SEMA6D: variants seen among roughly 807,000 people sequenced by gnomAD.
SEMA6D encodes semaphorin-6D.
A neutral mutation model predicts 106.6 loss-of-function variants in SEMA6D; 35 were observed. That is an observed-to-expected ratio of 0.33 (90% CI 0.25 to 0.44). The LOEUF (loss-of-function observed/expected upper bound fraction) is 0.44, where lower values mean the gene tolerates loss of function less well. Ranked by LOEUF, SEMA6D falls within the 20% of genes least tolerant of loss-of-function variation. The pLI is 1.00. For synonymous variants in SEMA6D, 499 were observed against 487.7 expected (o/e 1.02, Z -0.31); for missense variants, 1,185 against 1,345.9 (o/e 0.88, Z 1.87).
At chr15:47,452,172 A>T (rs1307719353) in intron 2 of SEMA6D, among the ~76,000 whole-genome samples, 3 of 152,058 alleles carry the variant, frequency 2.0e-5, no homozygotes, top group Non-Finnish European at 2.9e-5. Flanking sequence ...GCAAGCACTA[A>T]ATTAAAACAA....
chr15:47,648,140 A>G (rs1206681240), intron 4 of SEMA6D, among the ~76,000 whole-genome samples: 1 of 152,180 alleles, frequency 6.6e-6, no homozygotes, highest in African/African-American at 2.4e-5. Flanking sequence ...TGATGATACA[A>G]AATATATACA....
At chr15:47,741,468 A>C (rs1286125943) in intron 1 of SEMA6D, among the ~76,000 whole-genome samples, 1 of 152,212 alleles carries the variant, frequency 6.6e-6, no homozygotes, top group Non-Finnish European at 1.5e-5. Context: ...TGTAATCCCA[A>C]CACTTTGGGA....
At chr15:47,594,308 C>T (rs1056219693) in intron 3 of SEMA6D, among the ~76,000 whole-genome samples, 1 of 152,146 alleles carries the variant, frequency 6.6e-6, no homozygotes, top group Admixed American at 6.5e-5. Context: ...CCTCCTGTTC[C>T]TCTGTTTCCC....
intron 1 of SEMA6D, among the ~76,000 whole-genome samples, chr15:47,233,028 TA>T (rs2032309033): frequency 6.6e-6 from 1 of 152,144 alleles, no homozygotes; most frequent in South Asian, 2.1e-4. Flanking sequence ...TCTAATGTCA[TA>T]AATATTTATA....
chr15:47,769,638 T>G (rs1224543068), intron 18 of SEMA6D, among the ~76,000 whole-genome samples: 2 of 152,190 alleles, frequency 1.3e-5, no homozygotes, highest in South Asian at 4.1e-4. Flanking sequence ...CTGACTTACC[T>G]TACTCTGGGA....
intron 3 of SEMA6D, among the ~76,000 whole-genome samples, chr15:47,492,609 C>T (rs987252931): frequency 6.6e-6 from 1 of 152,064 alleles, no homozygotes; most frequent in Admixed American, 6.6e-5. Flanking sequence ...TTCTTTTAAG[C>T]ATTTAGAACA....
intron 1 of SEMA6D, among the ~76,000 whole-genome samples, chr15:47,728,584 C>T (rs1408963562): frequency 2.6e-5 from 4 of 152,178 alleles, no homozygotes; most frequent in African/African-American, 4.8e-5. Context: ...ACTTAGTTTC[C>T]GATCGCTGTT....
intron 18 of SEMA6D, 48 bp downstream of exon 18, chr15:47,768,796 C>G (rs1458482957): frequency 3.2e-6 from 5 of 1,559,776 alleles, no homozygotes; most frequent in Non-Finnish European, 3.5e-6. Flanking sequence ...GAAACCTGAT[C>G]CTTAATGTCA....
At chr15:47,646,081 G>A (rs1312845373) in intron 4 of SEMA6D, among the ~76,000 whole-genome samples, 2 of 151,918 alleles carry the variant, frequency 1.3e-5, no homozygotes, top group Admixed American at 1.3e-4. Context: ...TTACATCATT[G>A]GCCATTGAGG....
At chr15:47,474,396 C>G (rs192263673) in intron 3 of SEMA6D, among the ~76,000 whole-genome samples, 34 of 152,112 alleles carry the variant, frequency 2.2e-4, no homozygotes, top group Non-Finnish European at 4.9e-4. Flanking sequence ...TCTATTATAC[C>G]ATGAAATTAC....
chr15:47,766,976 A>G (rs2082377896), intron 16 of SEMA6D, 61 bp from the exon 17 acceptor site: 1 of 959,512 alleles, frequency 1.0e-6, no homozygotes, highest in Non-Finnish European at 1.5e-6. Context: ...ATTGGAATTC[A>G]TAAATTTTTG....
At chr15:47,254,819 A>G (rs149165053) in intron 1 of SEMA6D, among the ~76,000 whole-genome samples, 3 of 148,306 alleles carry the variant, frequency 2.0e-5, no homozygotes, top group African/African-American at 7.5e-5. Flanking sequence ...TTGATTTGCT[A>G]GTATTTTGTT....
At chr15:47,202,062 G>A (rs1472571255) in intron 1 of SEMA6D, among the ~76,000 whole-genome samples, 3 of 152,012 alleles carry the variant, frequency 2.0e-5, no homozygotes, top group Middle Eastern at 3.4e-3. Flanking sequence ...CATTACATGG[G>A]GAGCCACAAG....
At chr15:47,611,344 C>T (rs1475081522) in intron 4 of SEMA6D, among the ~76,000 whole-genome samples, 2 of 152,060 alleles carry the variant, frequency 1.3e-5, no homozygotes, top group Non-Finnish European at 2.9e-5. Flanking sequence ...TTAGTTATGA[C>T]AACATGCTAT....
intron 1 of SEMA6D, among the ~76,000 whole-genome samples, chr15:47,207,283 G>C (rs1040038717): frequency 5.3e-5 from 8 of 152,020 alleles, no homozygotes; most frequent in Non-Finnish European, 1.0e-4. Context: ...TGCTCCATTT[G>C]TGCTTGACCT....
intron 1 of SEMA6D, among the ~76,000 whole-genome samples, chr15:47,214,594 C>T (rs1160550927): frequency 6.6e-6 from 1 of 152,150 alleles, no homozygotes; most frequent in African/African-American, 2.4e-5. Flanking sequence ...TGTCTGCTTC[C>T]TTTACTTTAC....
At chr15:47,276,069 CTT>C (rs1338912170) in intron 1 of SEMA6D, among the ~76,000 whole-genome samples, 1 of 152,140 alleles carries the variant, frequency 6.6e-6, no homozygotes, top group Non-Finnish European at 1.5e-5. Context: ...CCATGAATCT[CTT>C]TGATTCTATG....
At chr15:47,739,035 G>A (rs867811651) in intron 1 of SEMA6D, among the ~76,000 whole-genome samples, 90 of 152,292 alleles carry the variant, frequency 5.9e-4, no homozygotes, top group African/African-American at 2.0e-3. Flanking sequence ...GTTCCAACCA[G>A]TGTCCAAGAA....
chr15:47,432,562 C>CGCATATGTATATACTTATACACCTATAT, intron 2 of SEMA6D, among the ~76,000 whole-genome samples: 1 of 43,260 alleles, frequency 2.3e-5, no homozygotes, highest in Non-Finnish European at 5.6e-5. Flanking sequence ...TATACATATA[C>CGCATATGTATATACTTATACACCTATAT]GCATATGTAT....
Sources: allele counts gnomAD v4.1 joint callset (sites outside exome capture counted in the v4.1 genomes callset), GRCh38; gene constraint gnomAD v4.1.1; transcripts MANE v1.5; gene names NCBI Gene and HGNC (gene_info 2026-07-23, HGNC 2026-07-21).